MICU2: variants seen among roughly 807,000 people sequenced by gnomAD.
The protein encoded by MICU2 is mitochondrial calcium uptake 2.
MICU2 carries 64 observed loss-of-function variants against 60.4 expected under a neutral mutation model. The ratio of observed to expected loss-of-function variants is 1.06; its 90% confidence interval spans 0.87 to 1.31. MICU2 has a LOEUF of 1.31. Among genes scored for constraint, MICU2 ranks in the 50% most tolerant of loss-of-function variants. MICU2 has a pLI of 0.00. For missense variants in MICU2, 569 were observed against 531.0 expected, an observed-to-expected ratio of 1.07 and a Z score of -0.70; for synonymous variants, 201 against 175.0, an observed-to-expected ratio of 1.15 and a Z score of -1.17.
At position 21,530,685 on chromosome 13, in the gene MICU2, G is replaced by A. The variant is rs192694711; in HGVS notation, c.467-8035C>T. On this transcript the variant is annotated intron_variant, in intron 4 of 11. Coordinates refer to ENST00000382374, the MANE Select transcript of MICU2 (RefSeq NM_152726.3). The stretch of plus-strand genomic sequence containing the variant: ...AAATAAAAATAAAAATAAGTTACTG[G>A]GGTGGCCACTGAGGGGGTCGGGGAG... 13 of 365,792 alleles carry A rather than the reference G, an allele frequency of 3.6e-5. No homozygotes were observed. The Admixed American group carries it at 4.3e-4, about 12-fold the overall frequency. 22.7% of individuals were successfully genotyped at this position (365,792 alleles called of 1,614,324 possible).
chr13:21,497,045 G>A (rs1013053770), intron 9 of MICU2, among the ~76,000 whole-genome samples: 21 of 151,988 alleles, frequency 1.4e-4, no homozygotes, highest in African/African-American at 4.6e-4. Flanking sequence ...CTGGGCGACA[G>A]AGCGAGACTC....
chr13:21,590,351 T>C (rs1593359029), intron 1 of MICU2, among the ~76,000 whole-genome samples: 1 of 152,192 alleles, frequency 6.6e-6, no homozygotes, highest in Admixed American at 6.5e-5. Flanking sequence ...GTAAGCTCCA[T>C]AAGCGAAGGA....
At chr13:21,539,885 C>G (rs1017523033) in intron 2 of MICU2, among the ~76,000 whole-genome samples, 197 bp from the exon 3 acceptor site, 3 of 152,174 alleles carry the variant, frequency 2.0e-5, no homozygotes, top group East Asian at 1.9e-4. Context: ...AAAGACACTA[C>G]AGTTTTTCAC....
rs552191299 is a variant in MICU2, at chr13:21,551,594, C to T, written c.359-11906G>A. On this transcript the variant is annotated intron_variant, in intron 2 of 11. Coordinates refer to ENST00000382374, the MANE Select transcript of MICU2 (RefSeq NM_152726.3). ...TAATGCTATCCCTCCCCCCTCCCCCCACCCCACAACAGGCCCAGGTGTGTG... is the reference window on the plus strand; with the variant it reads ...TAATGCTATCCCTCCCCCCTCCCCCTACCCCACAACAGGCCCAGGTGTGTG... Among the ~76,000 whole-genome samples, 215 of 116,040 alleles carry T rather than the reference C, an allele frequency of 1.9e-3. 2 individuals carry two copies. The highest frequency in any genetic ancestry group is 6.6e-3 in the African/African-American group (203 of 30,596). The allele number at this position is 116,040 out of a possible 152,430, so 76.1% of individuals were successfully genotyped here.
At chr13:21,519,032 G>C (rs745375121) in intron 6 of MICU2, among the ~76,000 whole-genome samples, 3 of 152,034 alleles carry the variant, frequency 2.0e-5, no homozygotes, top group Non-Finnish European at 4.4e-5. Context: ...TCCCTACCTA[G>C]CTGCCCACTT....
chr13:21,507,167 A>G (rs17067169), intron 8 of MICU2, among the ~76,000 whole-genome samples: 7,320 of 152,262 alleles, frequency 0.048, 582 homozygotes, highest in African/African-American at 0.17. Flanking sequence ...TGGATTAAAA[A>G]AATTGCATGA....
intron 1 of MICU2, among the ~76,000 whole-genome samples, chr13:21,589,676 G>A (rs554600233): frequency 1.3e-4 from 19 of 151,762 alleles, no homozygotes; most frequent in African/African-American, 4.6e-4. Context: ...TGACTCATTC[G>A]GATTACCTGC....
intron 2 of MICU2, among the ~76,000 whole-genome samples, chr13:21,556,258 A>G (rs1249362637): frequency 1.3e-5 from 2 of 152,182 alleles, no homozygotes; most frequent in African/African-American, 4.8e-5. Flanking sequence ...TGATTTCTCA[A>G]CAGCATTTTT....
intron 9 of MICU2, among the ~76,000 whole-genome samples, chr13:21,501,993 A>C (rs772516092): frequency 7.9e-5 from 12 of 152,226 alleles, no homozygotes; most frequent in Non-Finnish European, 1.3e-4. Flanking sequence ...TAACTGCAGT[A>C]AACTTGGGCT....
chr13:21,554,491 A>C (rs1887652572), intron 2 of MICU2, among the ~76,000 whole-genome samples: 1 of 152,212 alleles, frequency 6.6e-6, no homozygotes, highest in Non-Finnish European at 1.5e-5. Context: ...CAACGAGAAC[A>C]AAGATACAAC....
intron 5 of MICU2, among the ~76,000 whole-genome samples, chr13:21,521,715 T>C (rs975699713): frequency 1.3e-5 from 2 of 152,212 alleles, no homozygotes; most frequent in African/African-American, 4.8e-5. Context: ...ACAACGTATT[T>C]TGCAATCATT....
intron 2 of MICU2, among the ~76,000 whole-genome samples, chr13:21,540,875 A>G (rs1045129613): frequency 7.9e-5 from 12 of 152,138 alleles, no homozygotes; most frequent in Non-Finnish European, 2.9e-5. Context: ...GTAGTCATAT[A>G]ATGCTGATAA....
At chr13:21,526,897 T>C (rs1021401842) in intron 4 of MICU2, among the ~76,000 whole-genome samples, 8 of 152,066 alleles carry the variant, frequency 5.3e-5, no homozygotes, top group African/African-American at 1.4e-4. Context: ...TACCCTTCTG[T>C]GCAGGACAAC....
chr13:21,531,234 A>G lies in MICU2; in HGVS notation c.466+8068T>C, dbSNP rs565968531. ...TGAGATCCTAGCTCAAGAAAAGGAC[A>G]CTATAAGAAAGGAATATTGGAGATA... On this transcript the variant is annotated intron_variant, in intron 4 of 11. Transcript: ENST00000382374. 9.8e-6 allele frequency: 11 copies of G among 1,123,692 alleles called. No individual in the cohort carries two copies. In the East Asian group the frequency reaches 2.1e-4, roughly 22 times the overall value. The allele number at this position is 1,123,692 out of a possible 1,614,324, so 69.6% of individuals were successfully genotyped here.
intron 1 of MICU2, among the ~76,000 whole-genome samples, chr13:21,577,481 CCT>C (rs1221420801): frequency 1.3e-5 from 2 of 151,840 alleles, no homozygotes; most frequent in African/African-American, 4.8e-5. Flanking sequence ...ACAGCAAGAC[CCT>C]GTTTCTACAA....
intron 1 of MICU2, among the ~76,000 whole-genome samples, chr13:21,567,791 T>C (rs1469140644): frequency 6.6e-6 from 1 of 152,148 alleles, no homozygotes; most frequent in Non-Finnish European, 1.5e-5. Context: ...TTAATCCTCA[T>C]AATAACTTTG....
intron 4 of MICU2, among the ~76,000 whole-genome samples, chr13:21,534,129 T>C (rs1194893239): frequency 1.3e-5 from 2 of 151,500 alleles, no homozygotes; most frequent in South Asian, 2.1e-4. Context: ...TATGAAAGCA[T>C]TACTACAAAA....
In MICU2 at chr13:21,496,152, A is replaced by G; in HGVS notation, c.942T>C (p.Ser314=). Residue 314 remains serine (S), a synonymous_variant, in exon 10 of 12, where the codon AGT becomes AGC. Transcript: ENST00000382374. The part of the protein sequence containing the change: ...REKLSAGESI[S]LDEFKSFCHF... ...GGCAAAATGACTTGAATTCATCCAA[A>G]CTAATGCTCTAATAAAGTAAGAGTT... 1 of 1,610,140 alleles carries G rather than the reference A, an allele frequency of 6.2e-7. No individual in the cohort carries two copies. Among genetic ancestry groups the G allele is most frequent in the Non-Finnish European group, 8.5e-7 (1 of 1,177,780 alleles).
At chr13:21,562,329 C>G (rs1279558848) in intron 2 of MICU2, among the ~76,000 whole-genome samples, 1 of 152,144 alleles carries the variant, frequency 6.6e-6, no homozygotes, top group East Asian at 1.9e-4. Context: ...GTCCCACCAA[C>G]AGTGGAAAAG....
Sources: gnomAD v4.1 joint callset for allele counts (sites outside exome capture counted in the v4.1 genomes callset) on GRCh38, gnomAD v4.1.1 for gene constraint, MANE v1.5 for transcripts, NCBI Gene and HGNC (gene_info 2026-07-23, HGNC 2026-07-21) for gene names.